Variants in DCAF6 observed in about 807,000 individuals in gnomAD.
DCAF6 encodes DDB1 and CUL4 associated factor 6.
In DCAF6, 54 loss-of-function variants were observed where a neutral mutation model predicts 125.1. The observed-to-expected ratio is 0.43, with a 90% CI of 0.35 to 0.54. DCAF6 has a LOEUF of 0.54. Ranked by LOEUF, DCAF6 falls within the 20% of genes least tolerant of loss-of-function variation. The pLI, the probability that DCAF6 is intolerant of heterozygous loss-of-function variation, is 0.01. For synonymous variants in DCAF6, 371 were observed against 390.4 expected, an observed-to-expected ratio of 0.95 and a Z score of 0.58; for missense variants, 934 against 1,161.7, an observed-to-expected ratio of 0.80 and a Z score of 2.85.
At chr1:167,888,875 C>CAAAAAAAAAA in the DCAF6 span, among the ~76,000 whole-genome samples, 1 of 94,178 alleles carries the variant, frequency 1.1e-5, no homozygotes, top group Admixed American at 1.2e-4. Flanking sequence ...GACTCCGTCT[C>CAAAAAAAAAA]AAAAAAAAAA....
intron 3 of DCAF6, among the ~76,000 whole-genome samples, 160 bp from the exon 4 acceptor site, chr1:167,974,670 A>C (rs1313969022): frequency 1.3e-5 from 2 of 152,144 alleles, no homozygotes; most frequent in African/African-American, 4.8e-5. Context: ...AATATATGGG[A>C]TTCTGATTTT....
At chr1:167,927,665 GGTTGATCCTTTGGGGTTAATA>G in the DCAF6 span, among the ~76,000 whole-genome samples, 725 of 149,442 alleles carry the variant, frequency 4.9e-3, 2 homozygotes, top group African/African-American at 0.018. Flanking sequence ...AGGCTTAAAT[GGTTGATCCTTTGGGGTTAATA>G]GTCGATCTTT....
At chr1:168,002,645 T>C in intron 8 of DCAF6, 70 bp downstream of exon 8, 1 of 1,171,462 alleles carries the variant, frequency 8.5e-7, no homozygotes, top group South Asian at 1.4e-5. Context: ...TTCCAGTTTC[T>C]TCACTATTAT....
At chr1:168,038,297 T>C in intron 12 of DCAF6, 74 bp from the exon 13 acceptor site, 1 of 1,106,734 alleles carries the variant, frequency 9.0e-7, no homozygotes, top group Non-Finnish European at 1.3e-6. Flanking sequence ...AATATAAGTT[T>C]TATAAATTTT....
chr1:167,993,414 CCTT>C lies in DCAF6; in HGVS notation c.880_882del (p.Ser294del), dbSNP rs1236795211. 7.4e-6 allele frequency: 12 copies of C among 1,613,726 alleles called. No homozygotes were observed. Among genetic ancestry groups the C allele is most frequent in the South Asian group, 1.1e-5 (1 of 91,064 alleles). On this transcript the variant is annotated inframe_deletion, in exon 7 of 22. Transcript: ENST00000367840. Reference sequence around the variant, plus strand: ...TGATACAGCACGAGAACTTAAAACTCCTTCTGCGGAAGAGAGAAGAGAAGAGGT... The same window carrying C: ...TGATACAGCACGAGAACTTAAAACTCCTGCGGAAGAGAGAAGAGAAGAGGT...
chr1:167,973,391 G>C (rs1037732514), intron 3 of DCAF6, among the ~76,000 whole-genome samples: 2 of 152,202 alleles, frequency 1.3e-5, no homozygotes, highest in Non-Finnish European at 2.9e-5. Context: ...AGCTGTCTGT[G>C]AAGTGGCATG....
At position 168,036,525 on chromosome 1, in the gene DCAF6, A is replaced by G. The variant is rs545609313; in HGVS notation, c.1610-1846A>G. Among the ~76,000 whole-genome samples the G allele has an allele frequency of 9.2e-5, 14 of 152,314 alleles. No individual in the cohort carries two copies. The South Asian group carries it at 2.7e-3, about 29-fold the overall frequency. ...GTTTCCTTAATCATCCAATCATCCA[A>G]TCTTTAGCTGTCTGTTTCATCTATT... On this transcript the variant is annotated intron_variant, in intron 12 of 21. Transcript: ENST00000367840.
chr1:167,920,636 A>G, the DCAF6 span: 2 of 1,609,698 alleles, frequency 1.2e-6, no homozygotes, highest in African/African-American at 1.3e-5. Flanking sequence ...CAACCCCTAC[A>G]CATTAACGCA....
At chr1:168,028,122 A>G (rs568287311) in intron 12 of DCAF6, among the ~76,000 whole-genome samples, 1 of 152,272 alleles carries the variant, frequency 6.6e-6, no homozygotes, top group South Asian at 2.1e-4. Flanking sequence ...TAGTTTCAAC[A>G]GTATGTTTTA....
chr1:168,056,285 A>G, intron 17 of DCAF6: 2 of 1,609,900 alleles, frequency 1.2e-6, no homozygotes, highest in Non-Finnish European at 1.7e-6. Flanking sequence ...CCGAGAGCAG[A>G]GCGGGTCCAG....
chr1:167,918,839 T>C, the DCAF6 span, among the ~76,000 whole-genome samples: 2 of 152,074 alleles, frequency 1.3e-5, no homozygotes, highest in Non-Finnish European at 2.9e-5. Flanking sequence ...GTGGTCTGCC[T>C]GCCTCGGCCT....
Position 167,949,817 on chromosome 1 carries a change from A to T in DCAF6, c.98-1983A>T, listed in dbSNP as rs532436416. The stretch of plus-strand genomic sequence containing the variant: ...TTTTAATTTGAGGAGGCTCAGTTTT[A>T]TTAAGGTACTGTTCTTATTTTGTGG... On this transcript the variant is annotated intron_variant, in intron 1 of 21. Coordinates refer to ENST00000367840, the MANE Select transcript of DCAF6 (RefSeq NM_001198956.2). 1.4e-4 allele frequency among the ~76,000 whole-genome samples: 22 copies of T among 152,278 alleles called. No homozygotes were observed. In the South Asian group the frequency reaches 4.6e-3, roughly 32 times the overall value.
chr1:167,919,953 T>C, the DCAF6 span: 1 of 1,559,842 alleles, frequency 6.4e-7, no homozygotes, highest in Non-Finnish European at 8.7e-7. Flanking sequence ...TTGCAACAGT[T>C]TTAAAAATAT....
chr1:167,929,935 C>T, the DCAF6 span, among the ~76,000 whole-genome samples: 1 of 152,128 alleles, frequency 6.6e-6, no homozygotes, highest in African/African-American at 2.4e-5. Context: ...TTTAACACCC[C>T]TCTTAATTCC....
the DCAF6 span, among the ~76,000 whole-genome samples, chr1:167,870,567 C>T: frequency 1.4e-5 from 2 of 145,094 alleles, no homozygotes; most frequent in Admixed American, 7.2e-5. Context: ...CCGAGGTGGG[C>T]GGATCTGCTG....
At chr1:167,977,239 G>A (rs1316757270) in intron 4 of DCAF6, among the ~76,000 whole-genome samples, 1 of 141,064 alleles carries the variant, frequency 7.1e-6, no homozygotes, top group East Asian at 2.1e-4. Context: ...ATGAGAGTTT[G>A]TTGATAGAAA....
At chr1:167,881,648 A>G in the DCAF6 span, among the ~76,000 whole-genome samples, 2 of 152,240 alleles carry the variant, frequency 1.3e-5, no homozygotes, top group African/African-American at 2.4e-5. Flanking sequence ...GATAGGCATT[A>G]CACCAAGTGC....
At chr1:167,880,436 A>G in the DCAF6 span, 1 of 1,278,156 alleles carries the variant, frequency 7.8e-7, no homozygotes, top group Non-Finnish European at 1.1e-6. Context: ...TGCCCTCCCT[A>G]CTTATGCCTC....
At chr1:168,065,861 A>G in intron 19 of DCAF6, 115 bp downstream of exon 19, 2 of 987,258 alleles carry the variant, frequency 2.0e-6, no homozygotes, top group African/African-American at 1.6e-5. Flanking sequence ...CTATCTGACT[A>G]GGCAGCAGTA....
Sources: gnomAD v4.1 joint callset for allele counts (sites outside exome capture counted in the v4.1 genomes callset) on GRCh38, gnomAD v4.1.1 for gene constraint, MANE v1.5 for transcripts, NCBI Gene and HGNC (gene_info 2026-07-23, HGNC 2026-07-21) for gene names.